The following CSMD3 variants were observed in gnomAD, a reference collection of about 807,000 sequenced individuals.
CSMD3 encodes CUB and Sushi multiple domains 3, also known as CUB and sushi domain-containing protein 3.
In CSMD3, 177 loss-of-function variants were observed where a neutral mutation model predicts 435.2. The ratio of observed to expected loss-of-function variants is 0.41; its 90% CI spans 0.36 to 0.46. The LOEUF (loss-of-function observed/expected upper bound fraction) is 0.46, where lower values mean the gene tolerates loss of function less well. Among genes scored for constraint, CSMD3 ranks in the 20% least tolerant of loss-of-function variants. CSMD3 has a pLI of 0.34. For synonymous variants in CSMD3, 1,656 were observed against 1,520.5 expected, an observed-to-expected ratio of 1.09 and a Z score of -2.07; for missense variants, 4,265 against 4,504.6, an observed-to-expected ratio of 0.95 and a Z score of 1.52.
At chr8:112,596,136 A>G (rs1196055539) in intron 22 of CSMD3, among the ~76,000 whole-genome samples, 1 of 151,426 alleles carries the variant, frequency 6.6e-6, no homozygotes, top group Non-Finnish European at 1.5e-5. Context: ...ACGTGCAGAG[A>G]CACACATAGG....
At chr8:113,376,817 G>A in intron 1 of CSMD3, 1 of 1,613,796 alleles carries the variant, frequency 6.2e-7, no homozygotes, top group Non-Finnish European at 8.5e-7. Flanking sequence ...GTGCTGAAGA[G>A]GTTGTTTATG....
rs1814487814 is a variant in CSMD3 at position 112,244,383 on chromosome 8, A to G, written c.10402+11T>C. On this transcript the variant is annotated intron_variant, in intron 65 of 70. Transcript: ENST00000297405. ...CTCTTGTGTTAAAAAGATTCTATAG[A>G]GAAAACTTACCTTCACAAATGGGAA... 6.2e-7 allele frequency: 1 copy of G among 1,607,946 alleles called. No individual in the cohort carries two copies. The highest frequency in any genetic ancestry group is 8.5e-7 in the Non-Finnish European group (1 of 1,174,832).
chr8:113,394,557 A>T (rs2094474915), intron 1 of CSMD3, among the ~76,000 whole-genome samples: 1 of 152,070 alleles, frequency 6.6e-6, no homozygotes, highest in African/African-American at 2.4e-5. Context: ...ATATTTCTAA[A>T]TTTTCATGAA....
At chr8:113,065,613 C>T (rs534766801) in intron 5 of CSMD3, among the ~76,000 whole-genome samples, 13 of 152,230 alleles carry the variant, frequency 8.5e-5, no homozygotes, top group Admixed American at 2.6e-4. Context: ...TGGTCTCGAT[C>T]TCCTGACTTC....
At chr8:113,076,217 C>A (rs2089330210) in intron 5 of CSMD3, among the ~76,000 whole-genome samples, 1 of 151,098 alleles carries the variant, frequency 6.6e-6, no homozygotes, top group South Asian at 2.1e-4. Flanking sequence ...AGCAAAGTAT[C>A]TACACAGATA....
intron 13 of CSMD3, among the ~76,000 whole-genome samples, chr8:112,761,230 T>A (rs748314475): frequency 1.3e-5 from 2 of 152,098 alleles, no homozygotes; most frequent in Non-Finnish European, 2.9e-5. Flanking sequence ...CACTGAACAG[T>A]AATATCTCTA....
intron 12 of CSMD3, among the ~76,000 whole-genome samples, chr8:112,808,916 G>A (rs2079156363): frequency 6.6e-6 from 1 of 151,880 alleles, no homozygotes; most frequent in South Asian, 2.1e-4. Flanking sequence ...TATTATCACT[G>A]TCACCTAGTA....
chr8:113,182,211 A>G (rs2092430936), intron 3 of CSMD3, among the ~76,000 whole-genome samples: 1 of 152,074 alleles, frequency 6.6e-6, no homozygotes, highest in Non-Finnish European at 1.5e-5. Context: ...TTTAAAAAAC[A>G]ATTTTAACTA....
At chr8:112,821,369 T>A (rs1281873244) in intron 12 of CSMD3, among the ~76,000 whole-genome samples, 1 of 152,196 alleles carries the variant, frequency 6.6e-6, no homozygotes, top group Non-Finnish European at 1.5e-5. Flanking sequence ...AATATCTCAC[T>A]GTGGTTTTGA....
chr8:113,163,695 C>T (rs1029427523), intron 4 of CSMD3, among the ~76,000 whole-genome samples: 2 of 151,954 alleles, frequency 1.3e-5, no homozygotes, highest in African/African-American at 4.8e-5. Flanking sequence ...GAGATTCAAA[C>T]TTTGAAAATA....
chr8:112,883,327 T>C (rs1359370703), intron 10 of CSMD3, among the ~76,000 whole-genome samples: 1 of 152,014 alleles, frequency 6.6e-6, no homozygotes, highest in Non-Finnish European at 1.5e-5. Flanking sequence ...GTCTGATTCA[T>C]ATATTCTTTT....
intron 34 of CSMD3, among the ~76,000 whole-genome samples, chr8:112,407,859 T>A (rs895963003): frequency 5.3e-5 from 8 of 152,140 alleles, no homozygotes; most frequent in Middle Eastern, 3.4e-3. Context: ...AAAGTCCTAA[T>A]AACTGAAGAA....
At position 113,098,894 on chromosome 8, in the gene CSMD3, T is replaced by G. The variant is rs1412953462; in HGVS notation, c.779A>C (p.Glu260Ala). 6.2e-7 allele frequency: 1 copy of G among 1,612,394 alleles called. No individual in the cohort carries two copies. The highest frequency in any genetic ancestry group is 1.1e-5 in the South Asian group (1 of 91,050). Reference sequence around the variant, plus strand: ...AGTGCAATCAGCATTGTTATGGTACTCATTAGGAAAACTAGGGCTGGATAT... The same window carrying G: ...AGTGCAATCAGCATTGTTATGGTACGCATTAGGAAAACTAGGGCTGGATAT... ...GIISSPSFPN[E>A]YHNNADCTWT... Residue 260 changes from glutamate (E) to alanine (A), a missense_variant, in exon 5 of 71, where the codon GAG becomes GCG. By Grantham distance (107) the Glu-to-Ala change is moderately radical (BLOSUM62 -1). Around this residue, in one of 3 missense-constraint regions of CSMD3, gnomAD observed 731 missense variants for 755.4 expected, o/e 0.97. Transcript: ENST00000297405.
At chr8:112,577,673 T>C (rs1046810271) in intron 23 of CSMD3, among the ~76,000 whole-genome samples, 2 of 152,162 alleles carry the variant, frequency 1.3e-5, no homozygotes, top group African/African-American at 4.8e-5. Context: ...CAGAACAAAC[T>C]AAAACTTAAC....
intron 11 of CSMD3, among the ~76,000 whole-genome samples, chr8:112,831,987 T>C (rs1432135671): frequency 2.0e-5 from 3 of 152,144 alleles, no homozygotes; most frequent in Non-Finnish European, 4.4e-5. Flanking sequence ...TGTGTTGCAA[T>C]AGCTTCAAGT....
At chr8:112,842,664 C>G (rs2080213276) in intron 11 of CSMD3, among the ~76,000 whole-genome samples, 1 of 151,676 alleles carries the variant, frequency 6.6e-6, no homozygotes, top group Non-Finnish European at 1.5e-5. Context: ...TGGTGGTGAT[C>G]TGTGATTCAT....
chr8:112,459,837 A>C (rs16883631), intron 32 of CSMD3, among the ~76,000 whole-genome samples: 2,659 of 152,228 alleles, frequency 0.017, 78 homozygotes, highest in African/African-American at 0.06. Flanking sequence ...TCAACTAGAG[A>C]TAAAAATATA....
intron 35 of CSMD3, among the ~76,000 whole-genome samples, chr8:112,405,213 C>CAAAAA (rs1439544983): frequency 5.6e-5 from 1 of 17,894 alleles, no homozygotes; most frequent in Non-Finnish European, 9.2e-5. Flanking sequence ...AAAAAAACCC[C>CAAAAA]CATATATATA....
At chr8:112,455,345 C>T (rs552723503) in intron 32 of CSMD3, among the ~76,000 whole-genome samples, 1 of 152,010 alleles carries the variant, frequency 6.6e-6, no homozygotes, top group South Asian at 2.1e-4. Context: ...GAGGAGAAAA[C>T]CAAATACCAC....
Sources: allele counts gnomAD v4.1 joint callset (sites outside exome capture counted in the v4.1 genomes callset), GRCh38; gene constraint gnomAD v4.1.1; regional missense constraint gnomAD v4.1.1; transcripts MANE v1.5; gene names NCBI Gene and HGNC (gene_info 2026-07-23, HGNC 2026-07-21).